AGPAT2: variants seen among roughly 807,000 people sequenced by gnomAD.
The protein encoded by AGPAT2 is 1-acylglycerol-3-phosphate O-acyltransferase 2, also known as 1-acyl-sn-glycerol-3-phosphate acyltransferase beta.
In AGPAT2, 18 loss-of-function variants were observed where a neutral mutation model predicts 26.1. The ratio of observed to expected loss-of-function variants is 0.69; its 90% CI spans 0.48 to 1.02. AGPAT2 has a LOEUF of 1.02. Among genes scored for constraint, AGPAT2 ranks in the 50% least tolerant of loss-of-function variants. The probability of loss-of-function intolerance (pLI) is 0.00; values close to 1 mark genes in which losing one functional copy is unlikely to be tolerated. For synonymous variants in AGPAT2, 200 were observed against 174.2 expected, an observed-to-expected ratio of 1.15 and a Z score of -1.16; for missense variants, 415 against 394.9, an observed-to-expected ratio of 1.05 and a Z score of -0.43.
rs970044931 is a variant in AGPAT2, at chr9:136,673,633, T to C, written c.*119A>G. On this transcript the variant is annotated 3_prime_UTR_variant, in exon 6 of 6. Coordinates refer to ENST00000371696, the MANE Select transcript of AGPAT2 (RefSeq NM_006412.4). ...GGGGCTTCCTGCTTCCCGGGCTGAG[T>C]GAGAGCTGGGGGAGCCGGACAGAGT... 2 of 1,158,364 alleles carry C rather than the reference T, an allele frequency of 1.7e-6. No individual in the cohort carries two copies. Among genetic ancestry groups the C allele is most frequent in the African/African-American group, 3.2e-5 (2 of 62,620 alleles). The allele number at this position is 1,158,364 out of a possible 1,614,324, so 71.8% of individuals were successfully genotyped here.
intron 5 of AGPAT2, 39 bp downstream of exon 5, chr9:136,674,696 G>C: frequency 3.7e-6 from 5 of 1,368,116 alleles, no homozygotes; most frequent in Non-Finnish European, 4.8e-6. Flanking sequence ...TGTAGGGTCA[G>C]GCGGGGCCTA....
At position 136,677,151 on chromosome 9, in the gene AGPAT2, G is replaced by C; in HGVS notation, c.317-15C>G. The C allele has an allele frequency of 1.2e-6, 2 of 1,612,242 alleles. No homozygotes were observed. Among genetic ancestry groups the C allele is most frequent in the Non-Finnish European group, 1.7e-6 (2 of 1,179,566 alleles). On this transcript the variant is annotated splice_polypyrimidine_tract_variant and intron_variant, in intron 2 of 5. Transcript: ENST00000371696. ...CTCCATGAGGCCTGGGAGACAGAGA[G>C]ACAGAGACAGAGAGAGAGGGGGAGA...
intron 1 of AGPAT2, among the ~76,000 whole-genome samples, chr9:136,680,208 T>C (rs74879845): frequency 0.093 from 14,142 of 152,140 alleles, 1,062 homozygotes; most frequent in African/African-American, 0.21. Flanking sequence ...GGTAGTGACA[T>C]TGGCCAGTTC....
intron 1 of AGPAT2, 93 bp from the exon 2 acceptor site, chr9:136,677,649 G>A (rs886758346): frequency 4.0e-6 from 6 of 1,505,040 alleles, no homozygotes; most frequent in African/African-American, 2.7e-5. Context: ...GAGGAGGCTG[G>A]GGAGGGGCCC....
chr9:136,676,716 C>T, intron 3 of AGPAT2, 36 bp from the exon 4 acceptor site: 1 of 1,592,218 alleles, frequency 6.3e-7, no homozygotes, highest in South Asian at 1.1e-5. Flanking sequence ...GACCTCACGC[C>T]CAGGCCACCC....
chr9:136,684,516 G>A (rs116605091), intron 1 of AGPAT2, among the ~76,000 whole-genome samples: 4,578 of 152,316 alleles, frequency 0.03, 235 homozygotes, highest in African/African-American at 0.1. Context: ...GAACTACGGT[G>A]TAGACGGTGG....
chr9:136,684,901 G>GC (rs1259136438), intron 1 of AGPAT2, among the ~76,000 whole-genome samples: 2 of 152,136 alleles, frequency 1.3e-5, no homozygotes, highest in Non-Finnish European at 2.9e-5. Flanking sequence ...TTCCCTTCCA[G>GC]CCCCCCGGGT....
rs1443022263 is a variant in AGPAT2, at chr9:136,677,089, C to T, written c.364G>A (p.Glu122Lys). The change falls in exon 3 of 6, where the codon GAG becomes AAG. Residue 122 changes from glutamate (E) to lysine (K), a missense_variant. Coordinates refer to ENST00000371696, the MANE Select transcript of AGPAT2 (RefSeq NM_006412.4). ...PERCVQIAKR[E>K]LLFLGPVGLI... is the part of the protein sequence containing the mutation. Reference sequence around the variant, plus strand: ...CCCACGGGCCCCAGGAAGAGCAGCTCCCGCTTGGCGATCTGCACGCAGCGC... The same window carrying T: ...CCCACGGGCCCCAGGAAGAGCAGCTTCCGCTTGGCGATCTGCACGCAGCGC... 2 of 1,613,222 alleles carry T rather than the reference C, an allele frequency of 1.2e-6. No individual in the cohort carries two copies. Among genetic ancestry groups the T allele is most frequent in the South Asian group, 1.1e-5 (1 of 91,076 alleles).
intron 5 of AGPAT2, 132 bp downstream of exon 5, chr9:136,674,603 T>A: frequency 1.7e-6 from 1 of 575,438 alleles, no homozygotes; most frequent in Non-Finnish European, 2.7e-6. Flanking sequence ...CCTGAGTCAC[T>A]CATTCGCCAC....
chr9:136,673,625 G>A lies in AGPAT2; in HGVS notation c.*127C>T, dbSNP rs770413161. On this transcript the variant is annotated 3_prime_UTR_variant, in exon 6 of 6. Transcript: ENST00000371696. ...TGACAGAAGGGGCTTCCTGCTTCCC[G>A]GGCTGAGTGAGAGCTGGGGGAGCCG... 4.2e-5 allele frequency: 46 copies of A among 1,099,512 alleles called. No individual in the cohort carries two copies. Among genetic ancestry groups the A allele is most frequent in the Admixed American group, 2.3e-4 (7 of 30,918 alleles). 68.1% of individuals were successfully genotyped at this position (1,099,512 alleles called of 1,614,324 possible). A position where few individuals can be genotyped will look rare whatever the true frequency, so the allele number is the denominator to read the frequency against.
At chr9:136,684,038 G>A (rs754461456) in intron 1 of AGPAT2, among the ~76,000 whole-genome samples, 2 of 152,176 alleles carry the variant, frequency 1.3e-5, no homozygotes, top group Non-Finnish European at 2.9e-5. Flanking sequence ...ACTAGGTCCC[G>A]GCCTCCAGAT....
intron 3 of AGPAT2, 30 bp downstream of exon 3, chr9:136,676,931 A>AC: frequency 7.6e-6 from 12 of 1,582,614 alleles, no homozygotes; most frequent in Non-Finnish European, 9.5e-6. Flanking sequence ...CCCCACCCCA[A>AC]CCCCACCGAG....
chr9:136,679,996 C>A lies in AGPAT2; in HGVS notation c.183-2440G>T, dbSNP rs1050221782. ...GAAAACCTGAAAATGCTTAAATAGC[C>A]ACCAGTAGAAAGAGGGAAAGTAAAT... On this transcript the variant is annotated intron_variant, in intron 1 of 5. Coordinates refer to ENST00000371696, the MANE Select transcript of AGPAT2 (RefSeq NM_006412.4). 2.6e-5 allele frequency among the ~76,000 whole-genome samples: 4 copies of A among 152,180 alleles called. No homozygotes were observed. In the East Asian group the frequency reaches 7.7e-4, roughly 29 times the overall value.
chr9:136,687,146 C>G (rs777774755), intron 1 of AGPAT2, 30 bp downstream of exon 1: 3 of 1,567,424 alleles, frequency 1.9e-6, no homozygotes, highest in South Asian at 1.1e-5. Flanking sequence ...CGGCGGTTCC[C>G]CGGCCCCTCC....
Position 136,673,258 on chromosome 9 carries a change from G to C in AGPAT2, c.*494C>G, listed in dbSNP as rs942279947. On this transcript the variant is annotated 3_prime_UTR_variant, in exon 6 of 6. Transcript: ENST00000371696. ...CCGATTCCCGGCTCCCTGTGGCCCA[G>C]GGTGCGTGAGTCTGGGACTCCTGGC... The C allele has an allele frequency of 1.3e-5, 2 of 153,558 alleles. No individual in the cohort carries two copies. Among genetic ancestry groups the C allele is most frequent in the African/African-American group, 4.8e-5 (2 of 41,520 alleles). The allele number at this position is 153,558 out of a possible 1,614,324, so 9.5% of individuals were successfully genotyped here. A position where few individuals can be genotyped will look rare whatever the true frequency, so the allele number is the denominator to read the frequency against.
chr9:136,686,692 G>A (rs528977695), intron 1 of AGPAT2, among the ~76,000 whole-genome samples: 1 of 152,320 alleles, frequency 6.6e-6, no homozygotes, highest in Admixed American at 6.5e-5. Flanking sequence ...GCCCATCACC[G>A]GGCGGACAGT....
intron 4 of AGPAT2, among the ~76,000 whole-genome samples, chr9:136,675,766 C>G (rs868500280): frequency 1.3e-5 from 2 of 152,202 alleles, no homozygotes; most frequent in Non-Finnish European, 2.9e-5. Context: ...TGCCCCGCAC[C>G]TGGGCAGGGC....
chr9:136,678,285 C>A (rs1313779555), intron 1 of AGPAT2, among the ~76,000 whole-genome samples: 1 of 152,184 alleles, frequency 6.6e-6, no homozygotes, highest in African/African-American at 2.4e-5. Flanking sequence ...CCACTGGGGG[C>A]TGCCCTTGGA....
intron 5 of AGPAT2, among the ~76,000 whole-genome samples, chr9:136,674,195 G>T (rs1285388588): frequency 6.6e-6 from 1 of 152,198 alleles, no homozygotes; most frequent in Non-Finnish European, 1.5e-5. Context: ...CCCACTTCCT[G>T]ATCAGCCCCT....
Sources: allele counts gnomAD v4.1 joint callset (sites outside exome capture counted in the v4.1 genomes callset), GRCh38; gene constraint gnomAD v4.1.1; transcripts MANE v1.5; gene names NCBI Gene and HGNC (gene_info 2026-07-23, HGNC 2026-07-21).